Variants in VWA8 observed in about 807,000 individuals in gnomAD.
VWA8 encodes the protein von Willebrand factor A domain-containing protein 8.
Under a neutral mutation model 241.5 loss-of-function variants are expected in VWA8, and 221 were observed. The observed-to-expected ratio is 0.91, with a 90% CI of 0.82 to 1.02. VWA8 has a LOEUF of 1.02. Ranked by LOEUF, VWA8 falls within the 50% of genes least tolerant of loss-of-function variation. The pLI is 0.00. For synonymous variants in VWA8, 852 were observed against 827.1 expected (o/e 1.03, Z -0.52); for missense variants, 2,322 against 2,328.7 (o/e 1.00, Z 0.06).
intron 29 of VWA8, among the ~76,000 whole-genome samples, chr13:41,697,458 C>T (rs939773503): frequency 4.6e-5 from 7 of 152,170 alleles, no homozygotes; most frequent in Non-Finnish European, 1.0e-4. Flanking sequence ...GGCCCCCAAC[C>T]TTTTTGGCAC....
At chr13:41,831,109 T>C (rs1566474130) in intron 13 of VWA8, among the ~76,000 whole-genome samples, 3 of 152,250 alleles carry the variant, frequency 2.0e-5, no homozygotes, top group Non-Finnish European at 1.5e-5. Flanking sequence ...GCTCTACATA[T>C]GGCAACTCTG....
intron 20 of VWA8, among the ~76,000 whole-genome samples, chr13:41,763,092 G>T (rs912200326): frequency 1.3e-5 from 2 of 151,812 alleles, no homozygotes; most frequent in African/African-American, 4.8e-5. Context: ...ACACAGTGAG[G>T]CCTCATCTCT....
At chr13:41,571,721 G>GC (rs1474528215) in intron 43 of VWA8, among the ~76,000 whole-genome samples, 1 of 152,222 alleles carries the variant, frequency 6.6e-6, no homozygotes, top group Non-Finnish European at 1.5e-5. Flanking sequence ...CCAGCCGCCT[G>GC]CCTTGGCCTC....
intron 26 of VWA8, among the ~76,000 whole-genome samples, chr13:41,714,645 TTG>T (rs1435515241): frequency 2.6e-5 from 4 of 152,008 alleles, no homozygotes; most frequent in Non-Finnish European, 5.9e-5. Flanking sequence ...GTGAATCACC[TTG>T]TGTTTTATTT....
chr13:41,608,931 T>TA (rs1179520544), intron 39 of VWA8, among the ~76,000 whole-genome samples: 7 of 152,204 alleles, frequency 4.6e-5, no homozygotes, highest in African/African-American at 1.7e-4. Flanking sequence ...GGAACCCACT[T>TA]AGCAGCATTA....
At chr13:41,907,403 A>C (rs1362548286) in intron 4 of VWA8, among the ~76,000 whole-genome samples, 183 bp downstream of exon 4, 1 of 152,240 alleles carries the variant, frequency 6.6e-6, no homozygotes, top group East Asian at 1.9e-4. Context: ...TTTCTCATTT[A>C]GTACAAAACC....
At chr13:41,628,098 C>G (rs9590618) in intron 37 of VWA8, among the ~76,000 whole-genome samples, 5,738 of 152,248 alleles carry the variant, frequency 0.038, 372 homozygotes, top group African/African-American at 0.13. Flanking sequence ...ATCTCTGTAA[C>G]AGGGCCTTTG....
chr13:41,779,111 G>C (rs758729258), intron 19 of VWA8, among the ~76,000 whole-genome samples: 145 of 150,066 alleles, frequency 9.7e-4, no homozygotes, highest in Non-Finnish European at 1.7e-3. Context: ...AAAGTGCTGG[G>C]ATTACAGGCG....
At chr13:41,960,478 A>G (rs1878559770) in intron 1 of VWA8, among the ~76,000 whole-genome samples, 1 of 152,202 alleles carries the variant, frequency 6.6e-6, no homozygotes. Context: ...AGGCTCAGAG[A>G]GCAAGGTCAA....
At chr13:41,950,883 G>A (rs1220529793) in intron 1 of VWA8, among the ~76,000 whole-genome samples, 2 of 148,962 alleles carry the variant, frequency 1.3e-5, no homozygotes, top group Admixed American at 1.3e-4. Flanking sequence ...TGGCCAGGCT[G>A]GTCTTGAACT....
chr13:41,724,912 T>C (rs2045420511), intron 24 of VWA8, among the ~76,000 whole-genome samples: 1 of 152,118 alleles, frequency 6.6e-6, no homozygotes, highest in Admixed American at 6.6e-5. Context: ...AACAGGAAAG[T>C]GAAAGGTCTA....
rs2045465883 is a variant in VWA8 at position 41,729,675 on chromosome 13, A to C, written c.2505T>G (p.Val835=). 1 of 1,604,402 alleles carries C rather than the reference A, an allele frequency of 6.2e-7. No homozygotes were observed. The highest frequency in any genetic ancestry group is 1.7e-5 in the Admixed American group (1 of 57,378). The part of the protein sequence containing the change: ...GLIVYEDSPL[V]KAVKLGHILV... The stretch of plus-strand genomic sequence containing the variant: ...GAATATGACCCAACTTTACTGCTTT[A>C]ACCTTTGACGACAGAAAATTTATCA... Residue 835 remains valine, a splice_region_variant and synonymous_variant, in exon 23 of 45, where the codon GTT becomes GTG. Transcript: ENST00000379310.
intron 5 of VWA8, among the ~76,000 whole-genome samples, chr13:41,890,764 T>C (rs1874798085): frequency 6.6e-6 from 1 of 152,210 alleles, no homozygotes; most frequent in Non-Finnish European, 1.5e-5. Context: ...TGAATTTTAC[T>C]CTGAGTGGAA....
intron 20 of VWA8, among the ~76,000 whole-genome samples, chr13:41,774,532 AC>A (rs972807541): frequency 5.9e-5 from 9 of 152,210 alleles, no homozygotes; most frequent in Non-Finnish European, 1.3e-4. Context: ...CATCAGGGAG[AC>A]ACAAAAATAA....
intron 37 of VWA8, among the ~76,000 whole-genome samples, chr13:41,650,189 C>G (rs77616166): frequency 1.3e-5 from 2 of 152,010 alleles, no homozygotes; most frequent in Admixed American, 6.6e-5. Flanking sequence ...ATATTGTATA[C>G]TTATATACTA....
chr13:41,748,847 C>G (rs190528278), intron 21 of VWA8, among the ~76,000 whole-genome samples: 2,017 of 152,174 alleles, frequency 0.013, 23 homozygotes, highest in Middle Eastern at 0.054. Context: ...ACACCATATA[C>G]AAAAATTAAT....
chr13:41,627,152 T>C (rs138776680), intron 37 of VWA8, among the ~76,000 whole-genome samples: 28 of 152,072 alleles, frequency 1.8e-4, no homozygotes, highest in Admixed American at 5.9e-4. Context: ...CCAAAAAGCA[T>C]ATGAAAAAAT....
intron 31 of VWA8, among the ~76,000 whole-genome samples, chr13:41,691,654 T>G (rs942060241): frequency 8.5e-5 from 13 of 152,138 alleles, no homozygotes; most frequent in African/African-American, 2.9e-4. Context: ...TGGAAAGTAG[T>G]AACCATTGCC....
intron 20 of VWA8, among the ~76,000 whole-genome samples, chr13:41,769,138 A>T (rs565648748): frequency 1.1e-4 from 17 of 152,318 alleles, no homozygotes; most frequent in Admixed American, 3.3e-4. Flanking sequence ...AGCTTCTGGG[A>T]TCAAGGCATC....
Sources: allele counts gnomAD v4.1 joint callset (sites outside exome capture counted in the v4.1 genomes callset), GRCh38; gene constraint gnomAD v4.1.1; transcripts MANE v1.5; gene names NCBI Gene and HGNC (gene_info 2026-07-23, HGNC 2026-07-21).